Variants in ICE1 observed in about 807,000 individuals in gnomAD.
ICE1 encodes little elongation complex subunit 1.
In ICE1, 64 loss-of-function variants were observed where a neutral mutation model predicts 192.7. The ratio of observed to expected loss-of-function variants is 0.33; its 90% CI spans 0.27 to 0.41. The LOEUF is 0.41. Ranked by LOEUF, ICE1 falls within the 10% of genes least tolerant of loss-of-function variation. The pLI is 1.00. For synonymous variants in ICE1, 1,010 were observed against 984.5 expected (o/e 1.03, Z -0.49); for missense variants, 2,708 against 2,696.0 (o/e 1.00, Z -0.10).
intron 1 of ICE1, among the ~76,000 whole-genome samples, chr5:5,423,300 G>C (rs886603677): frequency 2.0e-5 from 3 of 152,160 alleles, no homozygotes; most frequent in African/African-American, 7.2e-5. Context: ...CGGCCTCGGA[G>C]CTCCCTAGGG....
At chr5:5,423,072 G>A in intron 1 of ICE1, 73 bp downstream of exon 1, 1 of 1,037,502 alleles carries the variant, frequency 9.6e-7, no homozygotes, top group Admixed American at 4.3e-5. Context: ...GGGATGTGGG[G>A]TCCGGCCGCG....
At chr5:5,481,293 T>A (rs1739497584) in intron 17 of ICE1, among the ~76,000 whole-genome samples, 1 of 152,166 alleles carries the variant, frequency 6.6e-6, no homozygotes, top group Non-Finnish European at 1.5e-5. Flanking sequence ...TATGGTGATT[T>A]TTTTGTTCTT....
chr5:5,476,109 T>A, intron 17 of ICE1, 30 bp downstream of exon 17: 1 of 1,345,152 alleles, frequency 7.4e-7, no homozygotes, highest in Non-Finnish European at 1.0e-6. Context: ...ATTGTTTTTT[T>A]CTTGTTATTG....
At chr5:5,457,191 T>A (rs1404649002) in intron 11 of ICE1, 141 bp from the exon 12 acceptor site, 14 of 718,236 alleles carry the variant, frequency 1.9e-5, no homozygotes, top group Non-Finnish European at 2.6e-5. Context: ...AGAAAGCGAT[T>A]GGTTGCCTTT....
chr5:5,457,379 G>A lies in ICE1; in HGVS notation c.739G>A (p.Gly247Ser), dbSNP rs1320550019. ...CAGCTCCAGAGTGCCTGGGGAAGAT[G>A]GTACGCTACCTCCAACACAGGGCAG... ...ITSSRVPGED[G>S]TLPPTQGSPL... Residue 247 changes from glycine to serine, a missense_variant, in exon 12 of 19, where the codon GGT becomes AGT. Around this residue, in one of 2 missense-constraint regions of ICE1, gnomAD observed 2,366 missense variants for 2,276.6 expected, o/e 1.04. Coordinates refer to ENST00000296564, the MANE Select transcript of ICE1 (RefSeq NM_015325.3). 6.2e-7 allele frequency: 1 copy of A among 1,613,230 alleles called. No individual in the cohort carries two copies.
At position 5,422,817 on chromosome 5, in the gene ICE1, C is replaced by T. The variant is rs1373727876; in HGVS notation, c.-99C>T. On this transcript the variant is annotated 5_prime_UTR_variant, in exon 1 of 19. Transcript: ENST00000296564. ...CCGCCCGGACCTGGCGGGAAGCGGC[C>T]TGGCAGGCGGCGGCCCCGGCGGCAT... 9 of 896,404 alleles carry T rather than the reference C, an allele frequency of 1.0e-5. No individual in the cohort carries two copies. The highest frequency in any genetic ancestry group is 1.8e-5 in the African/African-American group (1 of 57,108). 55.5% of individuals were successfully genotyped at this position (896,404 alleles called of 1,614,324 possible).
intron 17 of ICE1, among the ~76,000 whole-genome samples, chr5:5,484,388 A>G (rs1301750010): frequency 6.6e-6 from 1 of 152,248 alleles, no homozygotes; most frequent in East Asian, 1.9e-4. Flanking sequence ...GCTGTGCTAG[A>G]TGTGCATCCC....
At position 5,461,112 on chromosome 5, in the gene ICE1, A is replaced by T; in HGVS notation, c.1778A>T (p.Glu593Val). 1.9e-6 allele frequency: 3 copies of T among 1,614,026 alleles called. No homozygotes were observed. Among genetic ancestry groups the T allele is most frequent in the Non-Finnish European group, 2.5e-6 (3 of 1,179,876 alleles). ...GHFHRLSREL[E>V]KEKEDTQGFT... ...TTTCACAGACTATCTAGAGAATTGG[A>T]AAAGGAAAAAGAAGATACTCAAGGG... The change falls in exon 13 of 19, where the codon GAA (glutamate) becomes GTA (valine). Residue 593 changes from glutamate to valine, a missense_variant. Glu to Val is a moderately radical substitution (Grantham distance 121). Coordinates refer to ENST00000296564, the MANE Select transcript of ICE1 (RefSeq NM_015325.3).
In ICE1 at chr5:5,462,694, C is replaced by G. The variant is rs376280358; in HGVS notation, c.3360C>G (p.Ser1120Arg). 2 of 1,613,636 alleles carry G rather than the reference C, an allele frequency of 1.2e-6. No homozygotes were observed. The highest frequency in any genetic ancestry group is 1.7e-6 in the Non-Finnish European group (2 of 1,179,794). ...AGGCATTTAGCTGCAGTGAGGGGAG[C>G]GAACAGCAAGATGCTCCTGATGACT... ...ESEAFSCSEG[S>R]EQQDAPDDSQ... Residue 1120 changes from serine to arginine, a missense_variant, in exon 13 of 19, where the codon AGC becomes AGG. By Grantham distance (110) the Ser-to-Arg change is moderately radical (BLOSUM62 -1). Transcript: ENST00000296564.
rs1738617071 is a variant in ICE1 at position 5,457,373 on chromosome 5, G to A, written c.733G>A (p.Glu245Lys). The A allele has an allele frequency of 6.2e-7, 1 of 1,613,284 alleles. No homozygotes were observed. The highest frequency in any genetic ancestry group is 1.3e-5 in the African/African-American group (1 of 74,814). Residue 245 changes from glutamate (E) to lysine (K), a missense_variant, in exon 12 of 19, where the codon GAA becomes AAA. Physicochemically the swap from Glu to Lys is moderately conservative, Grantham distance 56. Coordinates refer to ENST00000296564, the MANE Select transcript of ICE1 (RefSeq NM_015325.3). ...KAITSSRVPG[E>K]DGTLPPTQGS... ...AATCACCAGCTCCAGAGTGCCTGGG[G>A]AAGATGGTACGCTACCTCCAACACA...
Position 5,422,785 on chromosome 5 carries a change from G to A in ICE1, c.-131G>A, listed in dbSNP as rs1367234429. ...AGCCCCACGGGGACCTCTGTGCACGGATGGACCCGCCCGGACCTGGCGGGA... is the reference window on the plus strand; with the variant it reads ...AGCCCCACGGGGACCTCTGTGCACGAATGGACCCGCCCGGACCTGGCGGGA... On this transcript the variant is annotated 5_prime_UTR_variant, in exon 1 of 19. Transcript: ENST00000296564. 3.7e-6 allele frequency: 2 copies of A among 537,830 alleles called. No individual in the cohort carries two copies. The highest frequency in any genetic ancestry group is 2.0e-5 in the African/African-American group (1 of 50,390). The allele number at this position is 537,830 out of a possible 1,614,324, so 33.3% of individuals were successfully genotyped here.
chr5:5,445,190 G>A (rs960920924), intron 7 of ICE1, among the ~76,000 whole-genome samples: 18 of 152,182 alleles, frequency 1.2e-4, no homozygotes, highest in Admixed American at 3.9e-4. Flanking sequence ...TAGAATAATA[G>A]TTGCGGAAAG....
At chr5:5,429,194 GT>G (rs1011426975) in intron 1 of ICE1, among the ~76,000 whole-genome samples, 2 of 151,978 alleles carry the variant, frequency 1.3e-5, no homozygotes, top group African/African-American at 2.4e-5. Context: ...TAGTGCCTGA[GT>G]TTTTTTTACT....
intron 1 of ICE1, among the ~76,000 whole-genome samples, chr5:5,430,675 A>G (rs1009048221): frequency 6.6e-6 from 1 of 152,162 alleles, no homozygotes; most frequent in African/African-American, 2.4e-5. Context: ...TTGGGAGGTG[A>G]GGATTCAGCT....
chr5:5,487,819 C>T lies in ICE1; in HGVS notation c.6619+1000C>T, dbSNP rs76466852. ...AAGGAGGAGCTGATGTTGGGGCCTG[C>T]TATAGATTAGACCTTGTGCATGGCA... is the stretch of plus-strand genomic sequence containing the variant. On this transcript the variant is annotated intron_variant, in intron 18 of 18. Coordinates refer to ENST00000296564, the MANE Select transcript of ICE1 (RefSeq NM_015325.3). Among the ~76,000 whole-genome samples, 260 of 152,258 alleles carry T rather than the reference C, an allele frequency of 1.7e-3. 1 individual carries two copies. The East Asian group carries it at 0.02, about 12-fold the overall frequency.
intron 7 of ICE1, among the ~76,000 whole-genome samples, chr5:5,445,338 T>C (rs1450346303): frequency 2.6e-5 from 4 of 152,236 alleles, no homozygotes; most frequent in African/African-American, 4.8e-5. Flanking sequence ...TATTTTGTGT[T>C]CTAAGTATTG....
rs551141239 is a variant in ICE1 at position 5,487,477 on chromosome 5, C to T, written c.6619+658C>T. ...GAGTTACATTTTAAATACTGTATAA[C>T]ACCCAAGATGATCTTAACATGGTAG... On this transcript the variant is annotated intron_variant, in intron 18 of 18. Transcript: ENST00000296564. 9.9e-5 allele frequency among the ~76,000 whole-genome samples: 15 copies of T among 152,274 alleles called. No homozygotes were observed. The South Asian group carries it at 3.1e-3, about 32-fold the overall frequency.
chr5:5,436,941 A>G (rs1737886699), intron 2 of ICE1, 139 bp from the exon 3 acceptor site: 3 of 633,186 alleles, frequency 4.7e-6, no homozygotes, highest in South Asian at 3.6e-5. Context: ...TTAAGGTGAT[A>G]TAGTCATTAA....
At chr5:5,445,215 A>G (rs1454947992) in intron 7 of ICE1, among the ~76,000 whole-genome samples, 1 of 152,176 alleles carries the variant, frequency 6.6e-6, no homozygotes, top group East Asian at 1.9e-4. Context: ...TCTAGTCACT[A>G]ATTTTTCTTG....
Sources: gnomAD v4.1 joint callset for allele counts (sites outside exome capture counted in the v4.1 genomes callset) on GRCh38, gnomAD v4.1.1 for gene constraint, gnomAD v4.1.1 regional missense constraint, MANE v1.5 for transcripts, NCBI Gene and HGNC (gene_info 2026-07-23, HGNC 2026-07-21) for gene names.